Variants in CHRM3 observed in about 807,000 individuals in gnomAD.
CHRM3 encodes the protein muscarinic acetylcholine receptor M3.
A neutral mutation model predicts 41.8 loss-of-function variants in CHRM3; 11 were observed. The observed-to-expected ratio is 0.26, with a 90% confidence interval of 0.17 to 0.44. The LOEUF is 0.44. Among genes scored for constraint, CHRM3 ranks in the 20% least tolerant of loss-of-function variants. CHRM3 has a pLI of 1.00. For synonymous variants in CHRM3, 297 were observed against 301.4 expected (o/e 0.99, Z 0.15); for missense variants, 571 against 745.4 (o/e 0.77, Z 2.72).
intron 3 of CHRM3, chr1:239,546,741 T>C (rs953057188): frequency 2.0e-5 from 3 of 152,202 alleles, no homozygotes; most frequent in Non-Finnish European, 2.9e-5. Flanking sequence ...TATTAGATTT[T>C]GTCTATTAGG....
chr1:239,408,869 G>C (rs999356056), intron 1 of CHRM3, among the ~76,000 whole-genome samples: 15 of 151,096 alleles, frequency 9.9e-5, no homozygotes, highest in African/African-American at 3.7e-4. Flanking sequence ...CAGTCCTCCC[G>C]CTGCAGCCTC....
Position 239,533,048 on chromosome 1 carries a change from T to G in CHRM3, c.-421-12593T>G, listed in dbSNP as rs563087683. ...ATTATGAAGCACTTTCATTTCCCTT[T>G]CGATGAGAAAAGGTCAAATAACCTC... On this transcript the variant is annotated intron_variant, in intron 2 of 6. Transcript: ENST00000676153. 4.8e-4 allele frequency among the ~76,000 whole-genome samples: 73 copies of G among 152,330 alleles called. 1 individual carries two copies. The Middle Eastern group carries it at 0.01, about 21-fold the overall frequency.
intron 2 of CHRM3, among the ~76,000 whole-genome samples, chr1:239,523,904 TAATA>T (rs1669820029): frequency 1.3e-5 from 2 of 152,084 alleles, no homozygotes; most frequent in Non-Finnish European, 2.9e-5. Context: ...ATAAATTAAA[TAATA>T]AATTAATGAA....
intron 6 of CHRM3, among the ~76,000 whole-genome samples, chr1:239,843,615 A>C (rs1423515955): frequency 2.0e-5 from 3 of 151,854 alleles, no homozygotes; most frequent in Admixed American, 6.6e-5. Context: ...TCTATTCTAA[A>C]ATTTTCATTA....
chr1:239,656,098 T>C (rs1257469616), intron 4 of CHRM3, among the ~76,000 whole-genome samples: 1 of 151,946 alleles, frequency 6.6e-6, no homozygotes, highest in Admixed American at 6.6e-5. Context: ...GGAGGTAACA[T>C]TGGGTACAAA....
intron 1 of CHRM3, among the ~76,000 whole-genome samples, chr1:239,409,552 G>A (rs1332865191): frequency 2.6e-5 from 4 of 152,150 alleles, no homozygotes; most frequent in African/African-American, 9.7e-5. Context: ...AGAAAACAAT[G>A]CTTACATGGG....
intron 5 of CHRM3, chr1:239,707,801 A>G (rs1231402682): frequency 1.3e-5 from 2 of 152,214 alleles, no homozygotes; most frequent in Non-Finnish European, 2.9e-5. Context: ...CACTTATCCT[A>G]CTTTATCCCT....
chr1:239,795,818 A>G (rs1053375389), intron 5 of CHRM3, among the ~76,000 whole-genome samples: 2 of 152,208 alleles, frequency 1.3e-5, no homozygotes, highest in Non-Finnish European at 1.5e-5. Context: ...CATGTTTTGA[A>G]ATAAAATTGA....
At chr1:239,692,497 C>T (rs578217954) in intron 5 of CHRM3, among the ~76,000 whole-genome samples, 2 of 152,140 alleles carry the variant, frequency 1.3e-5, no homozygotes, top group East Asian at 3.9e-4. Context: ...ATGAAAGGAC[C>T]ACAAGGTAAT....
chr1:239,799,888 G>A (rs767769118), intron 5 of CHRM3, among the ~76,000 whole-genome samples: 1 of 152,190 alleles, frequency 6.6e-6, no homozygotes, highest in Non-Finnish European at 1.5e-5. Flanking sequence ...AGCTTAGACT[G>A]TAAACAGGTG....
chr1:239,794,729 T>C (rs868739890), intron 5 of CHRM3, among the ~76,000 whole-genome samples: 3 of 152,192 alleles, frequency 2.0e-5, no homozygotes, highest in Admixed American at 2.0e-4. Context: ...GTTTATTAAT[T>C]TACAAGTTTT....
intron 1 of CHRM3, among the ~76,000 whole-genome samples, chr1:239,411,809 G>T (rs1661095726): frequency 6.8e-6 from 1 of 148,104 alleles, no homozygotes; most frequent in Non-Finnish European, 1.5e-5. Context: ...ATGTCATTTG[G>T]AAAGTAACGT....
intron 5 of CHRM3, among the ~76,000 whole-genome samples, chr1:239,787,453 C>T (rs907880507): frequency 6.6e-6 from 1 of 152,046 alleles, no homozygotes; most frequent in African/African-American, 2.4e-5. Flanking sequence ...GGGAAGAAGC[C>T]AAGACATCAG....
rs150814695 is a variant in CHRM3, at chr1:239,475,994, T to C, written c.-520-16715T>C. On this transcript the variant is annotated intron_variant, in intron 1 of 6. Transcript: ENST00000676153. The stretch of plus-strand genomic sequence containing the variant: ...TCTTCCTTTAAAAATGACCTTCTAG[T>C]ATAAGGTATTATACTGAAAGCAGAG... Among the ~76,000 whole-genome samples, 568 of 152,286 alleles carry C rather than the reference T, an allele frequency of 3.7e-3. 5 individuals are homozygous for C. Among genetic ancestry groups the C allele is most frequent in the African/African-American group, 0.013 (540 of 41,556 alleles).
intron 5 of CHRM3, among the ~76,000 whole-genome samples, chr1:239,743,731 C>T (rs1446155262): frequency 1.3e-5 from 2 of 151,024 alleles, no homozygotes; most frequent in African/African-American, 4.9e-5. Context: ...AAACTAATAA[C>T]TCAGTTTCTC....
chr1:239,614,761 C>T (rs962108458), intron 3 of CHRM3, among the ~76,000 whole-genome samples: 21 of 152,164 alleles, frequency 1.4e-4, no homozygotes, highest in Admixed American at 1.0e-3. Flanking sequence ...TCCAACAAAA[C>T]ACATTTTTTC....
At chr1:239,578,271 T>C (rs1394427833) in intron 3 of CHRM3, among the ~76,000 whole-genome samples, 4 of 152,196 alleles carry the variant, frequency 2.6e-5, no homozygotes, top group Admixed American at 2.6e-4. Context: ...TTGCAGTTAA[T>C]TGTTCAAGAA....
chr1:239,589,504 C>A (rs549831956), intron 3 of CHRM3, among the ~76,000 whole-genome samples: 2 of 149,838 alleles, frequency 1.3e-5, no homozygotes, highest in East Asian at 4.0e-4. Context: ...ATGTAATTTT[C>A]ATGCATATGT....
intron 4 of CHRM3, among the ~76,000 whole-genome samples, chr1:239,636,127 T>A (rs73124659): frequency 6.6e-6 from 1 of 152,168 alleles, no homozygotes; most frequent in African/African-American, 2.4e-5. Flanking sequence ...GTTCTTTGGA[T>A]CTTACATAGA....
Sources: gnomAD v4.1 joint callset for allele counts (sites outside exome capture counted in the v4.1 genomes callset) on GRCh38, gnomAD v4.1.1 for gene constraint, MANE v1.5 for transcripts, NCBI Gene and HGNC (gene_info 2026-07-23, HGNC 2026-07-21) for gene names.